TSHZ2: variants seen among roughly 807,000 people sequenced by gnomAD.
TSHZ2 encodes teashirt zinc finger homeobox 2, also known as teashirt homolog 2.
Under a neutral mutation model 74.4 loss-of-function variants are expected in TSHZ2, and 21 were observed. The observed-to-expected ratio is 0.28, with a 90% CI of 0.20 to 0.41. The LOEUF is 0.41. Ranked by LOEUF, TSHZ2 falls within the 10% of genes least tolerant of loss-of-function variation. The pLI, the probability that TSHZ2 is intolerant of heterozygous loss-of-function variation, is 1.00. For synonymous variants in TSHZ2, 540 were observed against 515.3 expected (o/e 1.05, Z -0.65); for missense variants, 1,244 against 1,293.5 (o/e 0.96, Z 0.59).
intron 2 of TSHZ2, among the ~76,000 whole-genome samples, chr20:53,259,511 C>T (rs1015249716): frequency 1.3e-5 from 2 of 152,084 alleles, no homozygotes; most frequent in Non-Finnish European, 2.9e-5. Flanking sequence ...AAACAGAGAG[C>T]AAATCAATGA....
At chr20:53,479,426 A>G (rs1013138445) in intron 2 of TSHZ2, among the ~76,000 whole-genome samples, 8 of 152,212 alleles carry the variant, frequency 5.3e-5, no homozygotes, top group Non-Finnish European at 1.0e-4. Flanking sequence ...CGCCATAGGC[A>G]GACTCACCGT....
intron 1 of TSHZ2, among the ~76,000 whole-genome samples, chr20:52,986,123 G>C (rs1444854753): frequency 2.0e-5 from 3 of 152,164 alleles, no homozygotes; most frequent in Non-Finnish European, 4.4e-5. Flanking sequence ...CGGGCACAGT[G>C]GCTCACGCCT....
At chr20:53,135,007 G>GACACACACACACACACAC (rs139347142) in intron 1 of TSHZ2, among the ~76,000 whole-genome samples, 2 of 148,604 alleles carry the variant, frequency 1.3e-5, no homozygotes, top group East Asian at 2.0e-4. Context: ...TGCACATGCA[G>GACACACACACACACACAC]ACACACACAC....
chr20:53,445,821 C>A (rs1478505936), intron 2 of TSHZ2, among the ~76,000 whole-genome samples: 4 of 152,192 alleles, frequency 2.6e-5, no homozygotes, highest in African/African-American at 4.8e-5. Flanking sequence ...CAAAGAGCAA[C>A]TTTGTTAGCT....
intron 2 of TSHZ2, among the ~76,000 whole-genome samples, chr20:53,379,761 G>C (rs1032714802): frequency 6.6e-6 from 1 of 152,030 alleles, no homozygotes; most frequent in African/African-American, 2.4e-5. Flanking sequence ...ACAACCCCAA[G>C]AGTCTATGGG....
chr20:53,145,343 A>C (rs1026168955), intron 1 of TSHZ2, among the ~76,000 whole-genome samples: 9 of 152,228 alleles, frequency 5.9e-5, no homozygotes, highest in African/African-American at 2.2e-4. Flanking sequence ...CTTTTCCTGC[A>C]CAAGATAATA....
At chr20:53,160,651 A>T (rs1437294055) in intron 1 of TSHZ2, among the ~76,000 whole-genome samples, 1 of 151,022 alleles carries the variant, frequency 6.6e-6, no homozygotes, top group Non-Finnish European at 1.5e-5. Context: ...CACCTAAGGC[A>T]TGAGAATCTC....
In TSHZ2 at chr20:53,143,129, C is replaced by T. The variant is rs560524925; in HGVS notation, c.41-110370C>T. Among the ~76,000 whole-genome samples, 13 of 152,266 alleles carry T rather than the reference C, an allele frequency of 8.5e-5. No individual in the cohort carries two copies. The South Asian group carries it at 1.7e-3, about 19-fold the overall frequency. ...GTAAATACTATTCGAATTGAAAACA[C>T]ATCTATTTAAGCTAGAATTTATTAA... On this transcript the variant is annotated intron_variant, in intron 1 of 2. Transcript: ENST00000371497.
rs567952038 is a variant in TSHZ2 at position 53,308,775 on chromosome 20, T to C, written c.*8+52204T>C. ...TGGTGTTCGACATTACTGTTTCTCTTAGAAAACAACCCCGTTATCGGAACC... is the reference window on the plus strand; with the variant it reads ...TGGTGTTCGACATTACTGTTTCTCTCAGAAAACAACCCCGTTATCGGAACC... On this transcript the variant is annotated intron_variant, in intron 2 of 2. Transcript: ENST00000371497. Among the ~76,000 whole-genome samples the C allele has an allele frequency of 2.0e-5, 3 of 152,304 alleles. No individual in the cohort carries two copies. In the East Asian group the frequency reaches 5.8e-4, roughly 29 times the overall value.
chr20:53,171,032 C>T (rs932486419), intron 1 of TSHZ2, among the ~76,000 whole-genome samples: 13 of 151,494 alleles, frequency 8.6e-5, no homozygotes, highest in Non-Finnish European at 1.6e-4. Context: ...AATTATGCAC[C>T]GCAGCTTTAA....
rs1341193335 is a variant in TSHZ2 at position 53,491,096 on chromosome 20, T to C, written c.*3961T>C. ...AAAAAAAAACCCCAAATGTCATTTT[T>C]CACATTATCCTCTCTTCTCTGCAAC... On this transcript the variant is annotated 3_prime_UTR_variant, in exon 3 of 3. Transcript: ENST00000371497. 6.6e-6 allele frequency: 1 copy of C among 150,622 alleles called. No individual in the cohort carries two copies. The highest frequency in any genetic ancestry group is 1.5e-5 in the Non-Finnish European group (1 of 67,820). 9.3% of individuals were successfully genotyped at this position (150,622 alleles called of 1,614,324 possible). A position where few individuals can be genotyped will look rare whatever the true frequency, so the allele number is the denominator to read the frequency against.
chr20:53,182,020 T>TTATG (rs1212509607), intron 1 of TSHZ2, among the ~76,000 whole-genome samples: 1 of 152,200 alleles, frequency 6.6e-6, no homozygotes, highest in Non-Finnish European at 1.5e-5. Flanking sequence ...TCTTAGGATA[T>TTATG]TATGCATCAG....
chr20:53,457,434 C>G (rs374043418), intron 2 of TSHZ2, among the ~76,000 whole-genome samples: 3 of 118,524 alleles, frequency 2.5e-5, no homozygotes, highest in African/African-American at 7.1e-5. Flanking sequence ...GCTGAAGTTG[C>G]TTATCAGCTT....
chr20:53,117,755 C>T (rs574892854), intron 1 of TSHZ2, among the ~76,000 whole-genome samples: 41 of 152,310 alleles, frequency 2.7e-4, no homozygotes, highest in African/African-American at 9.6e-4. Flanking sequence ...AAGCCGTAAT[C>T]ATGGCAAAAA....
intron 2 of TSHZ2, among the ~76,000 whole-genome samples, chr20:53,305,830 T>C (rs1432070304): frequency 1.3e-5 from 2 of 151,958 alleles, no homozygotes; most frequent in South Asian, 2.1e-4. Flanking sequence ...ATACAAAAAT[T>C]AGCCAGGCAT....
intron 1 of TSHZ2, among the ~76,000 whole-genome samples, chr20:53,190,120 TATATATA>T (rs1988698330): frequency 1.1e-5 from 1 of 92,082 alleles, no homozygotes; most frequent in African/African-American, 4.6e-5. Flanking sequence ...TATATATATA[TATATATA>T]TATATATATA....
chr20:53,407,475 A>G (rs1325718801), intron 2 of TSHZ2, among the ~76,000 whole-genome samples: 1 of 152,206 alleles, frequency 6.6e-6, no homozygotes, highest in Non-Finnish European at 1.5e-5. Flanking sequence ...ATGGACAGGC[A>G]TGTGCCTAGA....
At chr20:53,259,851 G>A (rs189254541) in intron 2 of TSHZ2, among the ~76,000 whole-genome samples, 2 of 152,072 alleles carry the variant, frequency 1.3e-5, no homozygotes, top group Non-Finnish European at 2.9e-5. Flanking sequence ...AATTTAACTG[G>A]GCATCCTGTA....
intron 1 of TSHZ2, among the ~76,000 whole-genome samples, chr20:52,988,444 T>C (rs1981854527): frequency 6.6e-6 from 1 of 152,224 alleles, no homozygotes; most frequent in African/African-American, 2.4e-5. Context: ...TCAGACACTA[T>C]GCTTTGTTGC....
Sources: gnomAD v4.1 joint callset for allele counts (sites outside exome capture counted in the v4.1 genomes callset) on GRCh38, gnomAD v4.1.1 for gene constraint, MANE v1.5 for transcripts, NCBI Gene and HGNC (gene_info 2026-07-23, HGNC 2026-07-21) for gene names.